DAO: variants seen among roughly 807,000 people sequenced by gnomAD.
DAO encodes the protein D-amino acid oxidase.
A neutral mutation model predicts 50.1 loss-of-function variants in DAO; 51 were observed. The ratio of observed to expected loss-of-function variants is 1.02; its 90% confidence interval spans 0.81 to 1.29. The LOEUF is 1.29. DAO is among the 50% of genes most tolerant of loss of function. The probability of loss-of-function intolerance (pLI) is 0.00; values close to 1 mark genes in which losing one functional copy is unlikely to be tolerated. For missense variants in DAO, 436 were observed against 439.4 expected (o/e 0.99, Z 0.07); for synonymous variants, 160 against 166.2 (o/e 0.96, Z 0.29).
intron 2 of DAO, among the ~76,000 whole-genome samples, chr12:108,886,022 G>T (rs1240897294): frequency 6.6e-6 from 1 of 151,078 alleles, no homozygotes; most frequent in Non-Finnish European, 1.5e-5. Context: ...AAAGTGCTGG[G>T]ATTACAGGCA....
intron 3 of DAO, among the ~76,000 whole-genome samples, chr12:108,888,501 A>G (rs193277164): frequency 4.3e-4 from 66 of 151,918 alleles, no homozygotes; most frequent in African/African-American, 1.5e-3. Flanking sequence ...ACGCCTGGCT[A>G]ATTTTTGTAT....
intron 3 of DAO, among the ~76,000 whole-genome samples, chr12:108,888,729 C>T (rs1371504450): frequency 6.6e-6 from 1 of 152,118 alleles, no homozygotes; most frequent in Non-Finnish European, 1.5e-5. Context: ...ACACTATGCT[C>T]TGTTGTCTGA....
At chr12:108,880,272 G>T (rs1354208691) in intron 1 of DAO, 48 bp downstream of exon 1, 1 of 384,540 alleles carries the variant, frequency 2.6e-6, no homozygotes, top group African/African-American at 2.1e-5. Flanking sequence ...TTGGGAGAGG[G>T]GAGAGGCAAA....
intron 2 of DAO, 107 bp downstream of exon 2, chr12:108,885,307 C>A: frequency 8.8e-7 from 1 of 1,131,236 alleles, no homozygotes; most frequent in Non-Finnish European, 1.3e-6. Context: ...AAGCTCTGAT[C>A]TAGCATAAAA....
intron 7 of DAO, among the ~76,000 whole-genome samples, chr12:108,894,950 A>C (rs2039531355): frequency 6.6e-6 from 1 of 152,162 alleles, no homozygotes; most frequent in Admixed American, 6.5e-5. Context: ...TCCTGGGCTC[A>C]AGTGATCCCC....
chr12:108,900,668 C>A lies in DAO; in HGVS notation c.*133C>A. The A allele has an allele frequency of 1.5e-6, 2 of 1,358,692 alleles. No homozygotes were observed. Among genetic ancestry groups the A allele is most frequent in the Non-Finnish European group, 1.0e-6 (1 of 987,606 alleles). 84.2% of individuals were successfully genotyped at this position (1,358,692 alleles called of 1,614,324 possible). ...AAAGAAGCATGAGGTGAGAGAAAGCCACAAAGTCAGTGCCTGGAGAAGGGT... is the reference window on the plus strand; with the variant it reads ...AAAGAAGCATGAGGTGAGAGAAAGCAACAAAGTCAGTGCCTGGAGAAGGGT... On this transcript the variant is annotated 3_prime_UTR_variant, in exon 11 of 11. Coordinates refer to ENST00000228476, the MANE Select transcript of DAO (RefSeq NM_001917.5).
intron 5 of DAO, among the ~76,000 whole-genome samples, chr12:108,890,495 A>C (rs2137350745): frequency 6.6e-6 from 1 of 152,248 alleles, no homozygotes; most frequent in East Asian, 1.9e-4. Context: ...CTGTTTACAC[A>C]TGATGTCCAT....
chr12:108,883,665 T>G, intron 1 of DAO: 1 of 456,444 alleles, frequency 2.2e-6, no homozygotes, highest in Non-Finnish European at 4.4e-6. Context: ...AGAGGCAAAG[T>G]ATGGGGGAAG....
intron 8 of DAO, chr12:108,898,397 A>G: frequency 2.3e-6 from 1 of 439,652 alleles, no homozygotes; most frequent in Non-Finnish European, 4.3e-6. Flanking sequence ...TGGAGATGAC[A>G]ATATCAATGG....
Position 108,900,955 on chromosome 12 carries a change from T to C in DAO, c.*420T>C, listed in dbSNP as rs777672116. 3 of 249,602 alleles carry C rather than the reference T, an allele frequency of 1.2e-5. No individual in the cohort carries two copies. Among genetic ancestry groups the C allele is most frequent in the Non-Finnish European group, 1.6e-5 (2 of 126,692 alleles). 15.5% of individuals were successfully genotyped at this position (249,602 alleles called of 1,614,324 possible). ...AACTATCTGATGTTGTTTAACCCAG[T>C]GCTTGCTAAACCTATCTGGCTATGG... On this transcript the variant is annotated 3_prime_UTR_variant, in exon 11 of 11. Coordinates refer to ENST00000228476, the MANE Select transcript of DAO (RefSeq NM_001917.5).
intron 6 of DAO, among the ~76,000 whole-genome samples, chr12:108,893,725 A>T (rs1677957646): frequency 6.6e-6 from 1 of 152,158 alleles, no homozygotes; most frequent in Non-Finnish European, 1.5e-5. Flanking sequence ...GGTGAGAGTC[A>T]CTGGGGCTGG....
At position 108,898,753 on chromosome 12, in the gene DAO, A is replaced by C; in HGVS notation, c.770A>C (p.Asn257Thr). ...WSELNNIQDH[N>T]TIWEGCCRLE... ...GAACTAAACAATATCCAGGACCACAACACCATTTGGGAAGGCTGCTGCAGA... is the reference window on the plus strand; with the variant it reads ...GAACTAAACAATATCCAGGACCACACCACCATTTGGGAAGGCTGCTGCAGA... The change falls in exon 9 of 11, where the codon AAC becomes ACC. Residue 257 changes from asparagine (N) to threonine (T), a missense_variant. Coordinates refer to ENST00000228476, the MANE Select transcript of DAO (RefSeq NM_001917.5). The C allele has an allele frequency of 1.2e-6, 2 of 1,614,130 alleles. No homozygotes were observed. The highest frequency in any genetic ancestry group is 8.5e-7 in the Non-Finnish European group (1 of 1,179,984).
chr12:108,883,840 C>G (rs758519433), intron 1 of DAO: 1 of 308,168 alleles, frequency 3.2e-6, no homozygotes, highest in Non-Finnish European at 6.7e-6. Flanking sequence ...GAGTCCAGTT[C>G]TTGTGGGCTG....
chr12:108,894,445 T>C lies in DAO; in HGVS notation c.612+78T>C, dbSNP rs576791724. On this transcript the variant is annotated intron_variant, in intron 7 of 10. Coordinates refer to ENST00000228476, the MANE Select transcript of DAO (RefSeq NM_001917.5). ...ATGCTTATTTCATCCCTCAAGATCA[T>C]GGACAAATCAGGAACATCTGTTAGA... The C allele has an allele frequency of 6.8e-4, 817 of 1,208,908 alleles. 12 individuals are homozygous for C. The South Asian group carries it at 9.5e-3, about 14-fold the overall frequency. 74.9% of individuals were successfully genotyped at this position (1,208,908 alleles called of 1,614,324 possible). A position where few individuals can be genotyped will look rare whatever the true frequency, so the allele number is the denominator to read the frequency against.
intron 5 of DAO, among the ~76,000 whole-genome samples, chr12:108,891,814 G>A (rs1187235575): frequency 6.6e-6 from 1 of 152,034 alleles, no homozygotes; most frequent in East Asian, 1.9e-4. Flanking sequence ...TGCCCAGGCT[G>A]GTCTCAAACC....
chr12:108,892,671 G>A (rs1187974595), intron 5 of DAO, among the ~76,000 whole-genome samples: 1 of 152,134 alleles, frequency 6.6e-6, no homozygotes, highest in East Asian at 1.9e-4. Flanking sequence ...AGTGCTGGGG[G>A]CTAAGAGGCC....
At chr12:108,893,874 A>T (rs2039517832) in intron 6 of DAO, among the ~76,000 whole-genome samples, 1 of 152,190 alleles carries the variant, frequency 6.6e-6, no homozygotes. Context: ...AGGAGTCAGA[A>T]GGAGAAAGAG....
chr12:108,897,813 G>A (rs929191278), intron 8 of DAO, among the ~76,000 whole-genome samples: 2 of 152,110 alleles, frequency 1.3e-5, no homozygotes, highest in African/African-American at 4.8e-5. Context: ...CGGGCGTGAT[G>A]GTGTATGCCT....
intron 5 of DAO, among the ~76,000 whole-genome samples, chr12:108,891,560 G>A (rs575730600): frequency 1.6e-4 from 24 of 151,994 alleles, no homozygotes; most frequent in Admixed American, 7.9e-4. Context: ...TATACCTGCT[G>A]AATTAGAACT....
Sources: gnomAD v4.1 joint callset for allele counts (sites outside exome capture counted in the v4.1 genomes callset) on GRCh38, gnomAD v4.1.1 for gene constraint, MANE v1.5 for transcripts, NCBI Gene and HGNC (gene_info 2026-07-23, HGNC 2026-07-21) for gene names.